ZSWIM3: variants seen among roughly 807,000 people sequenced by gnomAD.
The protein encoded by ZSWIM3 is zinc finger SWIM-type containing 3.
In ZSWIM3, 27 loss-of-function variants were observed where a neutral mutation model predicts 47.5. The observed-to-expected ratio is 0.57, with a 90% CI of 0.42 to 0.78. ZSWIM3 has a LOEUF of 0.78. ZSWIM3 is among the 30% of genes least tolerant of loss of function. The probability of loss-of-function intolerance (pLI) is 0.00; values close to 1 mark genes in which losing one functional copy is unlikely to be tolerated. For missense variants in ZSWIM3, 689 were observed against 861.3 expected, an observed-to-expected ratio of 0.80 and a Z score of 2.50; for synonymous variants, 333 against 333.9, an observed-to-expected ratio of 1.00 and a Z score of 0.03.
rs879082570 is a variant in ZSWIM3 at position 45,857,997 on chromosome 20, C to T, written c.155+17C>T. 2 of 46,806 alleles carry T rather than the reference C, an allele frequency of 4.3e-5. No individual in the cohort carries two copies. The highest frequency in any genetic ancestry group is 6.2e-5 in the Non-Finnish European group (2 of 32,408). The allele number at this position is 46,806 out of a possible 1,614,324, so 2.9% of individuals were successfully genotyped here. ...AGACATCCTGTAAGGGCGGGCGGGG[C>T]GGGGCGGGCCAAGAGGGTGGGGAGG... On this transcript the variant is annotated intron_variant, in intron 1 of 1. Coordinates refer to ENST00000255152, the MANE Select transcript of ZSWIM3 (RefSeq NM_080752.4).
At chr20:45,858,187 A>G (rs1482942271) in intron 1 of ZSWIM3, among the ~76,000 whole-genome samples, 1 of 151,872 alleles carries the variant, frequency 6.6e-6, no homozygotes, top group Non-Finnish European at 1.5e-5. Context: ...CTCCACTTTC[A>G]CTCCATTCAC....
In ZSWIM3 at chr20:45,877,964, C is replaced by A. The variant is rs1986146474; in HGVS notation, c.1406C>A (p.Ala469Glu). The change falls in exon 2 of 2, where the codon GCA (alanine) becomes GAA (glutamate). Residue 469 changes from alanine (A) to glutamate (E), a missense_variant. Ala to Glu is a moderately radical substitution (Grantham distance 107). Transcript: ENST00000255152. ...ICGESLTSLP[A>E]EETKPDAQQV... is the part of the protein sequence containing the mutation. ...GGAGAGAGCCTTACCAGCCTCCCTG[C>A]AGAAGAGACCAAGCCAGACGCACAG... 2 of 1,614,144 alleles carry A rather than the reference C, an allele frequency of 1.2e-6. No homozygotes were observed. Among genetic ancestry groups the A allele is most frequent in the African/African-American group, 2.7e-5 (2 of 75,042 alleles).
intron 1 of ZSWIM3, among the ~76,000 whole-genome samples, chr20:45,865,251 A>G (rs1287544562): frequency 3.3e-5 from 5 of 151,314 alleles, no homozygotes; most frequent in African/African-American, 1.2e-4. Context: ...CCTGGGAGGC[A>G]GAGGTTGCAG....
rs953475042 is a variant in ZSWIM3 at position 45,857,645 on chromosome 20, T to C, written c.-181T>C. On this transcript the variant is annotated 5_prime_UTR_variant, in exon 1 of 2. Transcript: ENST00000255152. ...TAGCAAATACACCCCCTTCCTCTTG[T>C]AACCCGGTCAGGCCTAGGGTTCCTC... The C allele has an allele frequency of 1.7e-5, 13 of 749,310 alleles. No individual in the cohort carries two copies. The highest frequency in any genetic ancestry group is 2.9e-5 in the Non-Finnish European group (13 of 449,864). 46.4% of individuals were successfully genotyped at this position (749,310 alleles called of 1,614,324 possible). A position where few individuals can be genotyped will look rare whatever the true frequency, so the allele number is the denominator to read the frequency against.
At chr20:45,876,334 C>T (rs1601118863) in intron 1 of ZSWIM3, among the ~76,000 whole-genome samples, 1 of 147,360 alleles carries the variant, frequency 6.8e-6, no homozygotes, top group Non-Finnish European at 1.5e-5. Flanking sequence ...TGTGAGCCAC[C>T]GCGCCCAGCT....
intron 1 of ZSWIM3, among the ~76,000 whole-genome samples, chr20:45,858,885 C>G (rs1290494324): frequency 6.6e-6 from 1 of 152,116 alleles, no homozygotes; most frequent in Non-Finnish European, 1.5e-5. Flanking sequence ...GTTGAAAACT[C>G]AAATGCCTTC....
At chr20:45,863,730 G>A (rs1041014684) in intron 1 of ZSWIM3, among the ~76,000 whole-genome samples, 6 of 152,222 alleles carry the variant, frequency 3.9e-5, no homozygotes, top group African/African-American at 1.4e-4. Context: ...AGGCGCAGTG[G>A]CTCATGCCTG....
chr20:45,877,925 C>T lies in ZSWIM3; in HGVS notation c.1367C>T (p.Ala456Val). Reference protein sequence around the residue: ...PASMPLKSKKAFGICGESLTS... With the variant: ...PASMPLKSKKVFGICGESLTS... ...AGCATGCCACTGAAGTCCAAGAAGG[C>T]TTTTGGAATCTGTGGAGAGAGCCTT... The change falls in exon 2 of 2, where the codon GCT becomes GTT. Residue 456 changes from alanine (A) to valine (V), a missense_variant. Ala to Val is a moderately conservative substitution (Grantham distance 64). Coordinates refer to ENST00000255152, the MANE Select transcript of ZSWIM3 (RefSeq NM_080752.4). The T allele has an allele frequency of 1.9e-6, 3 of 1,614,130 alleles. No homozygotes were observed. The highest frequency in any genetic ancestry group is 2.5e-6 in the Non-Finnish European group (3 of 1,180,028).
In ZSWIM3 at chr20:45,872,807, C is replaced by T. The variant is rs1340972591; in HGVS notation, c.156-3907C>T. The T allele has an allele frequency of 7.8e-6, 10 of 1,288,886 alleles. 1 individual carries two copies. The highest frequency in any genetic ancestry group is 2.1e-4 in the Middle Eastern group (1 of 4,708). 79.8% of individuals were successfully genotyped at this position (1,288,886 alleles called of 1,614,324 possible). On this transcript the variant is annotated intron_variant, in intron 1 of 1. Transcript: ENST00000255152. ...CCAGAGCTAGAGATGGCACCACCCC[C>T]GCACTGTGCACACAATAGGTACAGA...
In ZSWIM3 at chr20:45,877,278, G is replaced by A. The variant is rs1472788524; in HGVS notation, c.720G>A (p.Glu240=). Residue 240 remains glutamate (E), a synonymous_variant, in exon 2 of 2, where the codon GAG becomes GAA. Coordinates refer to ENST00000255152, the MANE Select transcript of ZSWIM3 (RefSeq NM_080752.4). ...ACATCCTCTATGCTTTCTTGGTGGAGAACAAGGAACGAGAAAGTCGAGTGG... is the reference window on the plus strand; with the variant it reads ...ACATCCTCTATGCTTTCTTGGTGGAAAACAAGGAACGAGAAAGTCGAGTGG... ...QGHILYAFLV[E]NKERESRVVH... is the part of the protein sequence containing the mutation. 6.2e-7 allele frequency: 1 copy of A among 1,614,150 alleles called. No individual in the cohort carries two copies. Among genetic ancestry groups the A allele is most frequent in the Non-Finnish European group, 8.5e-7 (1 of 1,180,020 alleles).
At chr20:45,860,533 A>G (rs1404377739) in intron 1 of ZSWIM3, among the ~76,000 whole-genome samples, 1 of 130,424 alleles carries the variant, frequency 7.7e-6, no homozygotes, top group Non-Finnish European at 1.7e-5. Flanking sequence ...AAAAAAAAAA[A>G]AAGAATCCTT....
At chr20:45,861,605 C>T (rs898333599) in intron 1 of ZSWIM3, among the ~76,000 whole-genome samples, 1 of 152,080 alleles carries the variant, frequency 6.6e-6, no homozygotes, top group African/African-American at 2.4e-5. Context: ...GACAAGGTCT[C>T]GCTCTATTGC....
At chr20:45,861,225 G>A (rs1364959850) in intron 1 of ZSWIM3, among the ~76,000 whole-genome samples, 3 of 152,170 alleles carry the variant, frequency 2.0e-5, no homozygotes, top group African/African-American at 7.2e-5. Context: ...AGACCAGCCT[G>A]GGCAACATGC....
At chr20:45,859,432 A>G in intron 1 of ZSWIM3, among the ~76,000 whole-genome samples, 1 of 93,852 alleles carries the variant, frequency 1.1e-5, no homozygotes, top group Non-Finnish European at 2.3e-5. Flanking sequence ...GGAAAAAAAA[A>G]AAAAAAAAGA....
In ZSWIM3 at chr20:45,878,125, C is replaced by A. The variant is rs1308443778; in HGVS notation, c.1567C>A (p.Leu523Met). ...EWEVVQNSTH[L>M]VDMAGSSVDV... ...GGAGGTGGTACAGAACTCCACCCACCTGGTGGACATGGCTGGCTCTTCAGT... is the reference window on the plus strand; with the variant it reads ...GGAGGTGGTACAGAACTCCACCCACATGGTGGACATGGCTGGCTCTTCAGT... Residue 523 changes from leucine (L) to methionine (M), a missense_variant, in exon 2 of 2, where the codon CTG becomes ATG. By Grantham distance (15) the Leu-to-Met change is conservative. Transcript: ENST00000255152. The A allele has an allele frequency of 2.5e-6, 4 of 1,614,206 alleles. No individual in the cohort carries two copies. The highest frequency in any genetic ancestry group is 3.4e-6 in the Non-Finnish European group (4 of 1,180,020).
In ZSWIM3 at chr20:45,877,034, C is replaced by T; in HGVS notation, c.476C>T (p.Ser159Leu). The change falls in exon 2 of 2, where the codon TCA (serine) becomes TTA (leucine). Residue 159 changes from serine to leucine, a missense_variant. Coordinates refer to ENST00000255152, the MANE Select transcript of ZSWIM3 (RefSeq NM_080752.4). ...TGCCTAGATAAGGTACAAGTGTCCT[C>T]AAAGCCAGAGCAGGAAGGCATCACT... ...SFCLDKVQVS[S>L]KPEQEGITPS... The T allele has an allele frequency of 1.2e-6, 2 of 1,614,200 alleles. No homozygotes were observed. Among genetic ancestry groups the T allele is most frequent in the Non-Finnish European group, 8.5e-7 (1 of 1,180,036 alleles).
At chr20:45,869,048 C>T (rs1024126691) in intron 1 of ZSWIM3, among the ~76,000 whole-genome samples, 1 of 152,008 alleles carries the variant, frequency 6.6e-6, no homozygotes, top group Non-Finnish European at 1.5e-5. Context: ...GTGATCCACC[C>T]GCCTCGGCCT....
chr20:45,874,926 C>T (rs1986053660), intron 1 of ZSWIM3, among the ~76,000 whole-genome samples: 1 of 151,692 alleles, frequency 6.6e-6, no homozygotes, highest in African/African-American at 2.4e-5. Flanking sequence ...TAATGTAAAT[C>T]TCTTCTTGGT....
chr20:45,863,108 A>G (rs752086612), intron 1 of ZSWIM3, among the ~76,000 whole-genome samples: 4 of 150,776 alleles, frequency 2.7e-5, no homozygotes, highest in African/African-American at 4.9e-5. Context: ...TCACTTACCA[A>G]TATATCTTGG....
Sources: allele counts gnomAD v4.1 joint callset (sites outside exome capture counted in the v4.1 genomes callset), GRCh38; gene constraint gnomAD v4.1.1; transcripts MANE v1.5; gene names NCBI Gene and HGNC (gene_info 2026-07-23, HGNC 2026-07-21).